TENM3: variants seen among roughly 807,000 people sequenced by gnomAD.
The protein encoded by TENM3 is teneurin transmembrane protein 3.
TENM3 carries 63 observed loss-of-function variants against 255.1 expected under a neutral mutation model. The ratio of observed to expected loss-of-function variants is 0.25; its 90% CI spans 0.20 to 0.30. TENM3 has a LOEUF of 0.30. Ranked by LOEUF, TENM3 falls within the 10% of genes least tolerant of loss-of-function variation. The probability of loss-of-function intolerance (pLI) is 1.00; values close to 1 mark genes in which losing one functional copy is unlikely to be tolerated. For synonymous variants in TENM3, 1,306 were observed against 1,322.3 expected, an observed-to-expected ratio of 0.99 and a Z score of 0.27; for missense variants, 2,929 against 3,461.1, an observed-to-expected ratio of 0.85 and a Z score of 3.86.
At chr4:181,636,758 A>T in the TENM3 span, among the ~76,000 whole-genome samples, 2 of 152,190 alleles carry the variant, frequency 1.3e-5, no homozygotes, top group African/African-American at 4.8e-5. Context: ...TCTTCGGTTT[A>T]TCCTCAACGC....
intron 19 of TENM3, among the ~76,000 whole-genome samples, chr4:182,750,766 T>A (rs370029340): frequency 6.6e-6 from 1 of 152,136 alleles, no homozygotes; most frequent in Admixed American, 6.5e-5. Flanking sequence ...TTAATTAATA[T>A]AACTAAGTTC....
the TENM3 span, among the ~76,000 whole-genome samples, chr4:181,991,909 C>T: frequency 2.6e-5 from 4 of 152,192 alleles, no homozygotes; most frequent in South Asian, 6.2e-4. Context: ...CTTAGATTTA[C>T]TACTCACAAT....
At chr4:182,066,579 A>G in the TENM3 span, among the ~76,000 whole-genome samples, 1 of 81,992 alleles carries the variant, frequency 1.2e-5, no homozygotes, top group African/African-American at 3.9e-5. Flanking sequence ...AACTTAAAGT[A>G]AGAATTATGG....
At chr4:182,084,266 T>A in the TENM3 span, among the ~76,000 whole-genome samples, 1 of 152,148 alleles carries the variant, frequency 6.6e-6, no homozygotes, top group Non-Finnish European at 1.5e-5. Flanking sequence ...AAAGGTCCCG[T>A]CCAATCCTAT....
chr4:181,811,421 C>CA, the TENM3 span, among the ~76,000 whole-genome samples: 1 of 152,200 alleles, frequency 6.6e-6, no homozygotes, highest in East Asian at 1.9e-4. Context: ...ACACTTTGGC[C>CA]AAAAAGTTAT....
chr4:182,800,234 C>T lies in TENM3; in HGVS notation c.7983C>T (p.Ala2661=), dbSNP rs1479791315. The T allele has an allele frequency of 1.3e-6, 2 of 1,592,476 alleles. No homozygotes were observed. The highest frequency in any genetic ancestry group is 1.7e-5 in the Admixed American group (1 of 59,502). The change falls in exon 28 of 28, where the codon GCC becomes GCT. Residue 2661 remains alanine, a synonymous_variant. Coordinates refer to ENST00000511685, the MANE Select transcript of TENM3 (RefSeq NM_001080477.4). Reference sequence around the variant, plus strand: ...GCGAGAAGCGGCAGCTGCTGAGCGCCGGCAAGGTGCAGGGCTACGACGGGT... The same window carrying T: ...GCGAGAAGCGGCAGCTGCTGAGCGCTGGCAAGGTGCAGGGCTACGACGGGT... ...TEGEKRQLLS[A]GKVQGYDGYY...
chr4:182,175,661 G>T (rs1752437891), intron 1 of TENM3, among the ~76,000 whole-genome samples: 1 of 152,220 alleles, frequency 6.6e-6, no homozygotes, highest in African/African-American at 2.4e-5. Context: ...ATGCTGGAAT[G>T]ATGTGTCTAT....
the TENM3 span, among the ~76,000 whole-genome samples, chr4:181,513,546 G>A: frequency 6.1e-4 from 93 of 152,258 alleles, no homozygotes; most frequent in African/African-American, 2.0e-3. Context: ...TAAAGAAAAG[G>A]AAGGAAATAG....
At chr4:182,660,472 G>T (rs542996132) in intron 6 of TENM3, among the ~76,000 whole-genome samples, 1 of 152,078 alleles carries the variant, frequency 6.6e-6, no homozygotes, top group Non-Finnish European at 1.5e-5. Flanking sequence ...TTTGAATCAG[G>T]TCATGCATGC....
intron 22 of TENM3, among the ~76,000 whole-genome samples, chr4:182,757,999 A>G (rs1007072053): frequency 6.6e-6 from 1 of 152,188 alleles, no homozygotes; most frequent in South Asian, 2.1e-4. Flanking sequence ...TATATAAAAG[A>G]ATATCATAGT....
At chr4:181,619,871 C>T in the TENM3 span, among the ~76,000 whole-genome samples, 259 of 152,276 alleles carry the variant, frequency 1.7e-3, no homozygotes, top group African/African-American at 5.6e-3. Flanking sequence ...TCAAAATCCC[C>T]GTCAACAGCC....
chr4:182,057,606 G>A, the TENM3 span, among the ~76,000 whole-genome samples: 4 of 151,524 alleles, frequency 2.6e-5, no homozygotes, highest in African/African-American at 9.7e-5. Context: ...TCACTATGTT[G>A]CCCAGGCTGG....
At chr4:181,937,103 A>G in the TENM3 span, among the ~76,000 whole-genome samples, 1 of 152,350 alleles carries the variant, frequency 6.6e-6, no homozygotes, top group Admixed American at 6.5e-5. Flanking sequence ...GGCCCTGGGC[A>G]AAGCAGGTAT....
intron 12 of TENM3, chr4:182,698,098 G>A (rs576243999): frequency 6.6e-6 from 1 of 152,100 alleles, no homozygotes; most frequent in Non-Finnish European, 1.5e-5. Context: ...TCTGCACTCT[G>A]AGCCAAATTC....
intron 2 of TENM3, among the ~76,000 whole-genome samples, chr4:182,338,476 T>C (rs1171031225): frequency 6.6e-6 from 1 of 152,210 alleles, no homozygotes; most frequent in African/African-American, 2.4e-5. Context: ...TATAGACTAC[T>C]TATTTTGGGG....
chr4:182,507,403 G>T (rs1262860327), intron 3 of TENM3, among the ~76,000 whole-genome samples: 2 of 152,098 alleles, frequency 1.3e-5, no homozygotes, highest in Non-Finnish European at 2.9e-5. Context: ...TCATTGCCAA[G>T]TGTCTTTAAA....
intron 1 of TENM3, among the ~76,000 whole-genome samples, chr4:182,282,011 C>T (rs1008256152): frequency 6.6e-6 from 1 of 152,180 alleles, no homozygotes; most frequent in Non-Finnish European, 1.5e-5. Flanking sequence ...GCTGAGATTA[C>T]AGGCATGAAC....
chr4:182,273,323 G>T (rs1334338615), intron 1 of TENM3, among the ~76,000 whole-genome samples: 1 of 152,180 alleles, frequency 6.6e-6, no homozygotes, highest in African/African-American at 2.4e-5. Flanking sequence ...TAAGCTCAGT[G>T]GTTTGGCTCC....
chr4:181,767,977 A>G, the TENM3 span, among the ~76,000 whole-genome samples: 1 of 152,122 alleles, frequency 6.6e-6, no homozygotes. Flanking sequence ...ATTAATGCAT[A>G]TTGACAAGTA....
Sources: allele counts gnomAD v4.1 joint callset (sites outside exome capture counted in the v4.1 genomes callset), GRCh38; gene constraint gnomAD v4.1.1; transcripts MANE v1.5; gene names NCBI Gene and HGNC (gene_info 2026-07-23, HGNC 2026-07-21).